TFCP2: variants seen among roughly 807,000 people sequenced by gnomAD.
TFCP2 encodes the protein alpha-globin transcription factor CP2.
Under a neutral mutation model 73.4 loss-of-function variants are expected in TFCP2, and 33 were observed. That is an observed-to-expected ratio of 0.45 (90% CI 0.34 to 0.60). TFCP2 has a LOEUF of 0.60. Ranked by LOEUF, TFCP2 falls within the 20% of genes least tolerant of loss-of-function variation. The pLI, the probability that TFCP2 is intolerant of heterozygous loss-of-function variation, is 0.01. For missense variants in TFCP2, 352 were observed against 604.0 expected (o/e 0.58, Z 4.37); for synonymous variants, 193 against 211.6 (o/e 0.91, Z 0.76).
chr12:51,164,555 C>A (rs1941714350), intron 1 of TFCP2, among the ~76,000 whole-genome samples: 1 of 149,606 alleles, frequency 6.7e-6, no homozygotes, highest in South Asian at 2.1e-4. Context: ...TGAGATCATG[C>A]CACTGCACTC....
chr12:51,130,465 C>T lies in TFCP2; in HGVS notation c.123-11693G>A, dbSNP rs188640977. 1.8e-3 allele frequency among the ~76,000 whole-genome samples: 271 copies of T among 147,156 alleles called. 6 individuals are homozygous for T. The highest frequency in any genetic ancestry group is 0.018 in the Admixed American group (268 of 14,808). ...CCAGCCTGGGTGATAGAACGAGACT[C>T]CGTCTCAAAAAAAAAAAGAAGCTGC... On this transcript the variant is annotated intron_variant, in intron 1 of 14. Transcript: ENST00000257915.
At chr12:51,130,693 T>TA (rs796474525) in intron 1 of TFCP2, among the ~76,000 whole-genome samples, 28 of 151,158 alleles carry the variant, frequency 1.9e-4, no homozygotes, top group African/African-American at 2.7e-4. Context: ...TGTCTATACT[T>TA]AAAAAAAAAC....
At chr12:51,165,921 G>A (rs555404781) in intron 1 of TFCP2, among the ~76,000 whole-genome samples, 1 of 152,310 alleles carries the variant, frequency 6.6e-6, no homozygotes, top group East Asian at 1.9e-4. Context: ...GGCTGAGGCA[G>A]GACTGCTTGA....
At chr12:51,124,941 G>C (rs1566212563) in intron 1 of TFCP2, 1 of 778,560 alleles carries the variant, frequency 1.3e-6, no homozygotes, top group South Asian at 1.3e-5. Context: ...AAATGTGGCT[G>C]CTTGCTCCGT....
intron 1 of TFCP2, chr12:51,124,642 C>G (rs1411201938): frequency 1.8e-6 from 1 of 564,784 alleles, no homozygotes; most frequent in African/African-American, 1.9e-5. Context: ...GTTCCGAGAG[C>G]CTCCGCGGCT....
intron 1 of TFCP2, among the ~76,000 whole-genome samples, chr12:51,128,754 G>C (rs975815012): frequency 3.9e-5 from 6 of 152,202 alleles, no homozygotes; most frequent in African/African-American, 1.4e-4. Context: ...AGGCTCAGTA[G>C]TATGCAACAG....
At chr12:51,139,066 C>G (rs542190075) in intron 1 of TFCP2, among the ~76,000 whole-genome samples, 4 of 152,286 alleles carry the variant, frequency 2.6e-5, no homozygotes, top group Admixed American at 2.6e-4. Flanking sequence ...CTTTTATAGA[C>G]AGAGAGTAAA....
intron 1 of TFCP2, among the ~76,000 whole-genome samples, chr12:51,166,397 C>G (rs1033012899): frequency 6.7e-6 from 1 of 150,228 alleles, no homozygotes; most frequent in African/African-American, 2.4e-5. Context: ...GACCCTGCCT[C>G]AAAAGAAAAA....
chr12:51,142,965 A>G (rs1941222829), intron 1 of TFCP2, among the ~76,000 whole-genome samples: 1 of 151,974 alleles, frequency 6.6e-6, no homozygotes. Flanking sequence ...TGTAACTCCT[A>G]AATTTACCAC....
chr12:51,095,721 G>A (rs1350022295), intron 14 of TFCP2, among the ~76,000 whole-genome samples: 2 of 150,174 alleles, frequency 1.3e-5, no homozygotes, highest in Non-Finnish European at 3.0e-5. Flanking sequence ...GGCAGAGGGA[G>A]GAGAATCACT....
rs142587628 is a variant in TFCP2 at position 51,101,379 on chromosome 12, C to T, written c.1151+556G>A. ...TTCTCCAGTTAAAACCAACTTGGGA[C>T]CTTTGCACCTGTTGTTCCTTCTGCC... On this transcript the variant is annotated intron_variant, in intron 11 of 14. Transcript: ENST00000257915. Among the ~76,000 whole-genome samples the T allele has an allele frequency of 5.8e-3, 883 of 152,186 alleles. 1 individual carries two copies. Among genetic ancestry groups the T allele is most frequent in the Non-Finnish European group, 8.6e-3 (584 of 68,008 alleles).
At chr12:51,162,816 T>G (rs1267179201) in intron 1 of TFCP2, 2 of 152,166 alleles carry the variant, frequency 1.3e-5, no homozygotes. Context: ...TATGTATGTT[T>G]TCCTTTTAAT....
chr12:51,168,159 G>A (rs1327886127), intron 1 of TFCP2, among the ~76,000 whole-genome samples: 1 of 152,076 alleles, frequency 6.6e-6, no homozygotes, highest in Admixed American at 6.6e-5. Flanking sequence ...ACTTTGGGAG[G>A]CCAAGGGGGA....
chr12:51,169,577 G>C (rs1941820459), intron 1 of TFCP2, among the ~76,000 whole-genome samples: 1 of 151,806 alleles, frequency 6.6e-6, no homozygotes, highest in African/African-American at 2.4e-5. Flanking sequence ...AAACAAAAAA[G>C]CCAGGCGTAG....
chr12:51,106,714 T>A, intron 7 of TFCP2, 101 bp from the exon 8 acceptor site: 1 of 911,490 alleles, frequency 1.1e-6, no homozygotes, highest in Non-Finnish European at 1.7e-6. Flanking sequence ...TAGTAAATCT[T>A]AATTCCTCAG....
At chr12:51,131,042 G>C (rs982445512) in intron 1 of TFCP2, among the ~76,000 whole-genome samples, 2 of 150,340 alleles carry the variant, frequency 1.3e-5, no homozygotes, top group Non-Finnish European at 3.0e-5. Flanking sequence ...ACAAGGACTA[G>C]ACGCAGTTCG....
intron 1 of TFCP2, among the ~76,000 whole-genome samples, chr12:51,169,776 G>C (rs1172916192): frequency 2.0e-5 from 3 of 152,096 alleles, no homozygotes; most frequent in Admixed American, 6.6e-5. Context: ...ATACTCTCAA[G>C]AACTCAAAGT....
At chr12:51,162,248 C>G (rs1028369243) in intron 1 of TFCP2, among the ~76,000 whole-genome samples, 8 of 152,082 alleles carry the variant, frequency 5.3e-5, no homozygotes, top group Non-Finnish European at 7.4e-5. Context: ...GAGTTCAAGA[C>G]CAGCCTGGCC....
chr12:51,166,051 A>C (rs1941752314), intron 1 of TFCP2, among the ~76,000 whole-genome samples: 2 of 151,374 alleles, frequency 1.3e-5, no homozygotes, highest in South Asian at 4.1e-4. Context: ...ATGGTGGCTC[A>C]CATCTGTAAT....
Sources: gnomAD v4.1 joint callset for allele counts (sites outside exome capture counted in the v4.1 genomes callset) on GRCh38, gnomAD v4.1.1 for gene constraint, MANE v1.5 for transcripts, NCBI Gene and HGNC (gene_info 2026-07-23, HGNC 2026-07-21) for gene names.